Variants in MYH14 observed in about 807,000 individuals in gnomAD.
MYH14 encodes myosin-14.
Under a neutral mutation model 255.5 loss-of-function variants are expected in MYH14, and 123 were observed. The ratio of observed to expected loss-of-function variants is 0.48; its 90% CI spans 0.42 to 0.56. The LOEUF (loss-of-function observed/expected upper bound fraction) is 0.56, where lower values mean the gene tolerates loss of function less well. MYH14 is among the 20% of genes least tolerant of loss of function. The pLI is 0.00. For missense variants in MYH14, 2,423 were observed against 2,802.3 expected (o/e 0.86, Z 3.06); for synonymous variants, 1,095 against 1,161.2 (o/e 0.94, Z 1.16).
Position 50,276,215 on chromosome 19 carries a change from T to C in MYH14, c.3680+12T>C. The C allele has an allele frequency of 6.6e-7, 1 of 1,523,306 alleles. No homozygotes were observed. The highest frequency in any genetic ancestry group is 1.4e-5 in the African/African-American group (1 of 72,600). The allele number at this position is 1,523,306 out of a possible 1,614,324, so 94.4% of individuals were successfully genotyped here. On this transcript the variant is annotated intron_variant, in intron 28 of 42. Coordinates refer to ENST00000642316, the MANE Select transcript of MYH14 (RefSeq NM_001145809.2). This position sits in a 1 kb window ranked among gnomAD's most constrained non-coding sequence, Gnocchi z 4.3. ...CAGCAGGAGCTCCGGTGAGGCCCGG[T>C]GGCAGGCCGCTGTCACAGCCTGTGC...
chr19:50,309,779 C>T lies in MYH14; in HGVS notation c.6100C>T (p.His2034Tyr). 6.4e-6 allele frequency: 10 copies of T among 1,573,058 alleles called. No homozygotes were observed. Among genetic ancestry groups the T allele is most frequent in the Non-Finnish European group, 7.8e-6 (9 of 1,157,036 alleles). The change falls in exon 43 of 43, where the codon CAC becomes TAC. Residue 2034 changes from histidine to tyrosine, a missense_variant. His to Tyr is a moderately conservative substitution (Grantham distance 83). Around this residue, in one of 3 missense-constraint regions of MYH14, gnomAD observed 1,513 missense variants for 1,674.8 expected, o/e 0.90. Transcript: ENST00000642316. Reference sequence around the variant, plus strand: ...GGAGCCTGAGGGGTCCCCACCAGCCCACCCCCAGTGACCCTACCCTGTCCC... The same window carrying T: ...GGAGCCTGAGGGGTCCCCACCAGCCTACCCCCAGTGACCCTACCCTGTCCC... ...SPEPEGSPPA[H>Y]PQ
At position 50,259,125 on chromosome 19, in the gene MYH14, G is replaced by A; in HGVS notation, c.2233-19G>A. On this transcript the variant is annotated intron_variant, in intron 18 of 42. Coordinates refer to ENST00000642316, the MANE Select transcript of MYH14 (RefSeq NM_001145809.2). ...GTGTGGCCGCCGCTGACCCCCGCGT[G>A]TCCGTCCGCTCTCCCCAGGCCGGGA... 6.5e-7 allele frequency: 1 copy of A among 1,543,114 alleles called. No individual in the cohort carries two copies. Among genetic ancestry groups the A allele is most frequent in the Non-Finnish European group, 8.8e-7 (1 of 1,140,744 alleles).
chr19:50,277,121 A>G lies in MYH14; in HGVS notation c.3825+220A>G, dbSNP rs143450669. Among the ~76,000 whole-genome samples, 1,128 of 152,328 alleles carry G rather than the reference A, an allele frequency of 7.4e-3. 13 individuals carry two copies. Among genetic ancestry groups the G allele is most frequent in the Non-Finnish European group, 7.2e-3 (493 of 68,024 alleles). ...ACCAGCCATGAACCCAACAACCAGC[A>G]CTGCCTTCCCTTGTGGAGCTTTCCT... On this transcript the variant is annotated intron_variant, in intron 29 of 42. Transcript: ENST00000642316.
rs74582015 is a variant in MYH14, at chr19:50,310,158, C to G, written c.*368C>G. ...CTCCACCATCCTCAGCCAGTGCAAC[C>G]CATTCCCTCTGCTTCTCTCTCTCTC... On this transcript the variant is annotated 3_prime_UTR_variant, in exon 43 of 43. Coordinates refer to ENST00000642316, the MANE Select transcript of MYH14 (RefSeq NM_001145809.2). 599 of 310,546 alleles carry G rather than the reference C, an allele frequency of 1.9e-3. No homozygotes were observed. Among genetic ancestry groups the G allele is most frequent in the Non-Finnish European group, 3.1e-3 (512 of 167,068 alleles). 19.2% of individuals were successfully genotyped at this position (310,546 alleles called of 1,614,324 possible). A position where few individuals can be genotyped will look rare whatever the true frequency, so the allele number is the denominator to read the frequency against.
intron 42 of MYH14, 28 bp downstream of exon 42, chr19:50,309,205 C>T (rs771037648): frequency 1.7e-5 from 28 of 1,609,936 alleles, no homozygotes; most frequent in South Asian, 4.4e-5. Context: ...ACAGGCCTGA[C>T]GGGTGGGGAG....
intron 13 of MYH14, chr19:50,249,356 T>TGTCTCTGGGTCTCTGTCCCCC: frequency 3.2e-6 from 2 of 625,498 alleles, no homozygotes; most frequent in Non-Finnish European, 2.7e-6. Context: ...CTCTGTCCCC[T>TGTCTCTGGGTCTCTGTCCCCC]GTCTCTGGGT....
chr19:50,215,250 G>A (rs994177080), intron 2 of MYH14, among the ~76,000 whole-genome samples: 3 of 152,160 alleles, frequency 2.0e-5, no homozygotes, highest in Admixed American at 6.5e-5. Flanking sequence ...GGGTTCCTCC[G>A]CCAGCCAGGA....
At position 50,234,925 on chromosome 19, in the gene MYH14, T is replaced by C. The variant is rs373136896; in HGVS notation, c.1114+2855T>C. On this transcript the variant is annotated intron_variant, in intron 10 of 42. Transcript: ENST00000642316. Reference sequence around the variant, plus strand: ...TGGCCCTAGTTTCCCACTGTTGAGCTTCTTGTATCTCCTTCCAGAAATATT... The same window carrying C: ...TGGCCCTAGTTTCCCACTGTTGAGCCTCTTGTATCTCCTTCCAGAAATATT... 5.9e-5 allele frequency among the ~76,000 whole-genome samples: 9 copies of C among 152,316 alleles called. No individual in the cohort carries two copies. The East Asian group carries it at 1.5e-3, about 26-fold the overall frequency.
intron 41 of MYH14, among the ~76,000 whole-genome samples, chr19:50,307,520 G>A (rs1385438658): frequency 6.6e-6 from 1 of 152,116 alleles, no homozygotes; most frequent in Non-Finnish European, 1.5e-5. Flanking sequence ...GTAGAAGGAA[G>A]GTGCTATTAT....
At chr19:50,228,143 G>A (rs886355474) in intron 8 of MYH14, among the ~76,000 whole-genome samples, 9 of 151,876 alleles carry the variant, frequency 5.9e-5, no homozygotes, top group Non-Finnish European at 1.0e-4. Flanking sequence ...AAAATTAGCC[G>A]GGCGTGGTGG....
At position 50,252,972 on chromosome 19, in the gene MYH14, C is replaced by T. The variant is rs73068980; in HGVS notation, c.1945+219C>T. Among the ~76,000 whole-genome samples, 2,866 of 152,318 alleles carry T rather than the reference C, an allele frequency of 0.019. 37 individuals carry two copies. The highest frequency in any genetic ancestry group is 0.031 in the Middle Eastern group (9 of 294). On this transcript the variant is annotated intron_variant, in intron 16 of 42. Transcript: ENST00000642316. This position sits in a 1 kb window ranked among gnomAD's most constrained non-coding sequence, Gnocchi z 4.2. ...ATTTGATTGATAAGCCAGCATCCTT[C>T]TCAAGGATAAAGCACTCCGCCTTAA...
intron 3 of MYH14, among the ~76,000 whole-genome samples, chr19:50,218,570 C>G (rs961739866): frequency 2.0e-5 from 3 of 151,834 alleles, no homozygotes; most frequent in Admixed American, 1.3e-4. Flanking sequence ...TGCACTCCAG[C>G]CTGGGAGACA....
Position 50,206,512 on chromosome 19 carries a change from T to C in MYH14, c.-4+2841T>C, listed in dbSNP as rs117660209. On this transcript the variant is annotated intron_variant, in intron 1 of 42. Transcript: ENST00000642316. ...GAGATATGGGGTGAGCCTTGACGAT[T>C]TGGGGGCCACGGGGTGGAGAAACTC... Among the ~76,000 whole-genome samples the C allele has an allele frequency of 9.4e-3, 1,434 of 151,832 alleles. 20 individuals carry two copies. Among genetic ancestry groups the C allele is most frequent in the Non-Finnish European group, 0.011 (724 of 67,908 alleles).
At position 50,308,715 on chromosome 19, in the gene MYH14, G is replaced by T. The variant is rs576545114; in HGVS notation, c.5788-290G>T. ...GAGGGGCTGGAACCTTGTCCCGGGG[G>T]TACTGGGGAGCCATGAAAGGATTGT... On this transcript the variant is annotated intron_variant, in intron 41 of 42. Transcript: ENST00000642316. 1.0e-5 allele frequency: 4 copies of T among 381,202 alleles called. No homozygotes were observed. In the South Asian group the frequency reaches 2.7e-4, roughly 25 times the overall value. 23.6% of individuals were successfully genotyped at this position (381,202 alleles called of 1,614,324 possible).
chr19:50,260,876 C>T (rs574175735), intron 20 of MYH14, among the ~76,000 whole-genome samples, 161 bp downstream of exon 20: 43 of 149,394 alleles, frequency 2.9e-4, no homozygotes, highest in East Asian at 1.8e-3. Context: ...TGTGTGCATG[C>T]GTGTGTGTGC....
intron 6 of MYH14, chr19:50,224,812 TA>T (rs1167443182): frequency 2.2e-6 from 1 of 456,462 alleles, no homozygotes; most frequent in Non-Finnish European, 4.4e-6. Flanking sequence ...TTGCCTTACT[TA>T]AAAATTCTAG....
At chr19:50,219,272 A>C (rs956584684) in intron 3 of MYH14, among the ~76,000 whole-genome samples, 2 of 151,640 alleles carry the variant, frequency 1.3e-5, no homozygotes, top group Admixed American at 1.3e-4. Flanking sequence ...TTTTCATATA[A>C]TAGCTTCTTT....
chr19:50,239,827 G>A (rs917158327), intron 10 of MYH14, among the ~76,000 whole-genome samples: 2 of 152,056 alleles, frequency 1.3e-5, no homozygotes, highest in African/African-American at 4.8e-5. Flanking sequence ...GGGATTACAG[G>A]CGTGAGCCAC....
intron 1 of MYH14, among the ~76,000 whole-genome samples, chr19:50,204,889 T>C (rs2031645830): frequency 1.3e-5 from 2 of 150,248 alleles, no homozygotes; most frequent in South Asian, 2.1e-4. Context: ...AGAGAGACCC[T>C]GTCTCTCCCT....
Sources: allele counts gnomAD v4.1 joint callset (sites outside exome capture counted in the v4.1 genomes callset), GRCh38; gene constraint gnomAD v4.1.1; regional missense constraint gnomAD v4.1.1; non-coding constraint Gnocchi (gnomAD v3.1); transcripts MANE v1.5; gene names NCBI Gene and HGNC (gene_info 2026-07-23, HGNC 2026-07-21).